BCKDHB: variants seen among roughly 807,000 people sequenced by gnomAD.
BCKDHB encodes the protein branched chain keto acid dehydrogenase E1 subunit beta, also known as 2-oxoisovalerate dehydrogenase subunit beta, mitochondrial.
Under a neutral mutation model 48.5 loss-of-function variants are expected in BCKDHB, and 41 were observed. The observed-to-expected ratio is 0.85, with a 90% CI of 0.66 to 1.10. BCKDHB has a LOEUF of 1.10. BCKDHB is among the 50% of genes least tolerant of loss of function. The pLI, the probability that BCKDHB is intolerant of heterozygous loss-of-function variation, is 0.00. For synonymous variants in BCKDHB, 201 were observed against 174.8 expected (o/e 1.15, Z -1.18); for missense variants, 496 against 494.2 (o/e 1.00, Z -0.03).
At chr6:80,321,274 A>G (rs1342032337) in intron 9 of BCKDHB, among the ~76,000 whole-genome samples, 1 of 152,174 alleles carries the variant, frequency 6.6e-6, no homozygotes, top group Non-Finnish European at 1.5e-5. Flanking sequence ...ATCCTTAAGT[A>G]TCTGGATGGG....
At chr6:80,267,728 T>C (rs1351650992) in intron 8 of BCKDHB, among the ~76,000 whole-genome samples, 1 of 152,168 alleles carries the variant, frequency 6.6e-6, no homozygotes, top group Non-Finnish European at 1.5e-5. Context: ...TTTTCTTAGG[T>C]TCTTCAGTAT....
the BCKDHB span, among the ~76,000 whole-genome samples, chr6:80,433,827 C>G: frequency 6.6e-6 from 1 of 152,100 alleles, no homozygotes; most frequent in African/African-American, 2.4e-5. Context: ...GTGCAATTTT[C>G]TTTCTGTTTG....
At chr6:80,250,635 C>T (rs952400443) in intron 8 of BCKDHB, among the ~76,000 whole-genome samples, 23 of 152,122 alleles carry the variant, frequency 1.5e-4, no homozygotes, top group African/African-American at 5.6e-4. Flanking sequence ...CATTTTGAAA[C>T]CAGAAACTGC....
chr6:80,350,473 A>G (rs148727549), downstream of BCKDHB, among the ~76,000 whole-genome samples: 424 of 152,218 alleles, frequency 2.8e-3, no homozygotes, highest in African/African-American at 9.9e-3. Flanking sequence ...GTATCTGCAA[A>G]TACAGACCAT....
At chr6:80,330,780 G>A (rs1372571177) in intron 9 of BCKDHB, among the ~76,000 whole-genome samples, 2 of 152,128 alleles carry the variant, frequency 1.3e-5, no homozygotes, top group African/African-American at 4.8e-5. Flanking sequence ...AGCATGTGTT[G>A]TTTTCTTGTC....
downstream of BCKDHB, among the ~76,000 whole-genome samples, chr6:80,348,637 C>G (rs1054476507): frequency 2.6e-5 from 4 of 152,174 alleles, no homozygotes; most frequent in Non-Finnish European, 4.4e-5. Flanking sequence ...GACTGTGTCT[C>G]AAATTTTCAC....
the BCKDHB span, among the ~76,000 whole-genome samples, chr6:80,404,746 G>A: frequency 2.6e-5 from 4 of 151,760 alleles, no homozygotes; most frequent in African/African-American, 9.7e-5. Context: ...ATAAGTTTTG[G>A]TATATGTGTT....
chr6:80,284,131 C>G (rs1562202157), intron 9 of BCKDHB, among the ~76,000 whole-genome samples: 2 of 152,038 alleles, frequency 1.3e-5, no homozygotes, highest in Non-Finnish European at 2.9e-5. Context: ...ACTTACAGAT[C>G]AACTCAGTTT....
the BCKDHB span, among the ~76,000 whole-genome samples, chr6:80,438,210 A>G: frequency 6.6e-6 from 1 of 152,216 alleles, no homozygotes; most frequent in African/African-American, 2.4e-5. Flanking sequence ...TTGTACTTAA[A>G]TGATGTCATA....
the BCKDHB span, among the ~76,000 whole-genome samples, chr6:80,363,924 G>A: frequency 6.6e-6 from 1 of 152,138 alleles, no homozygotes; most frequent in Non-Finnish European, 1.5e-5. Flanking sequence ...AGTCTTAATG[G>A]CATTGCAGTG....
At chr6:80,419,262 G>C in the BCKDHB span, among the ~76,000 whole-genome samples, 2 of 152,216 alleles carry the variant, frequency 1.3e-5, no homozygotes, top group South Asian at 2.1e-4. Context: ...TGTGTGGGCT[G>C]TTGCGTGGCT....
chr6:80,400,804 G>T, the BCKDHB span, among the ~76,000 whole-genome samples: 1 of 151,936 alleles, frequency 6.6e-6, no homozygotes, highest in Non-Finnish European at 1.5e-5. Flanking sequence ...GCAAACATAT[G>T]GAATCAACCT....
Position 80,126,895 on chromosome 6 carries a change from C to T in BCKDHB, c.197-652C>T, listed in dbSNP as rs888724387. Among the ~76,000 whole-genome samples the T allele has an allele frequency of 2.6e-5, 4 of 152,150 alleles. No homozygotes were observed. The South Asian group carries it at 8.3e-4, about 32-fold the overall frequency. On this transcript the variant is annotated intron_variant, in intron 1 of 9. Transcript: ENST00000320393. Reference sequence around the variant, plus strand: ...CAATGAATAGCTAATATTTATTCAGCACTCACTGTGTCAGGTACTGTTCTG... The same window carrying T: ...CAATGAATAGCTAATATTTATTCAGTACTCACTGTGTCAGGTACTGTTCTG...
the BCKDHB span, among the ~76,000 whole-genome samples, chr6:80,363,535 T>C: frequency 6.6e-6 from 1 of 152,306 alleles, no homozygotes; most frequent in East Asian, 1.9e-4. Context: ...ACAAGAAAAT[T>C]AACATTTTGA....
intron 3 of BCKDHB, among the ~76,000 whole-genome samples, chr6:80,155,905 T>A (rs1297765019): frequency 4.0e-5 from 6 of 151,782 alleles, no homozygotes; most frequent in Non-Finnish European, 8.8e-5. Context: ...AGTTGTTTTT[T>A]TGGTGGGATG....
At chr6:80,187,207 T>C (rs1044982878) in intron 6 of BCKDHB, among the ~76,000 whole-genome samples, 2 of 152,218 alleles carry the variant, frequency 1.3e-5, no homozygotes, top group African/African-American at 2.4e-5. Flanking sequence ...TTTAGTAGTA[T>C]AAAATTTTCT....
In BCKDHB at chr6:80,167,712, A is replaced by G. The variant is rs770996331; in HGVS notation, c.378A>G (p.Glu126=). 6 of 1,612,014 alleles carry G rather than the reference A, an allele frequency of 3.7e-6. No individual in the cohort carries two copies. The highest frequency in any genetic ancestry group is 5.1e-6 in the Non-Finnish European group (6 of 1,178,108). The change falls in exon 4 of 10, where the codon GAA becomes GAG. Residue 126 remains glutamate, a synonymous_variant. Coordinates refer to ENST00000320393, the MANE Select transcript of BCKDHB (RefSeq NM_183050.4). ...KDRVFNTPLC[E]QGIVGFGIGI... is the part of the protein sequence containing the mutation. ...GAGTTTTTAATACCCCATTGTGTGA[A>G]CAAGGAATTGTTGGATTTGGAATCG...
intron 9 of BCKDHB, among the ~76,000 whole-genome samples, chr6:80,340,958 T>A (rs1254153515): frequency 6.6e-6 from 1 of 152,228 alleles, no homozygotes; most frequent in African/African-American, 2.4e-5. Context: ...AGCTGCTTAA[T>A]TGACCTAAGG....
At chr6:80,222,433 A>G (rs2127864601) in intron 8 of BCKDHB, among the ~76,000 whole-genome samples, 1 of 152,306 alleles carries the variant, frequency 6.6e-6, no homozygotes, top group Middle Eastern at 3.4e-3. Flanking sequence ...TTTGAAAAAT[A>G]TGCCCCTCCT....
Sources: allele counts gnomAD v4.1 joint callset (sites outside exome capture counted in the v4.1 genomes callset), GRCh38; gene constraint gnomAD v4.1.1; transcripts MANE v1.5; gene names NCBI Gene and HGNC (gene_info 2026-07-23, HGNC 2026-07-21).